Variants in TAF1B observed in about 807,000 individuals in gnomAD.
TAF1B encodes TATA box-binding protein-associated factor RNA polymerase I subunit B.
Under a neutral mutation model 83.9 loss-of-function variants are expected in TAF1B, and 61 were observed. The ratio of observed to expected loss-of-function variants is 0.73; its 90% confidence interval spans 0.59 to 0.90. The LOEUF (loss-of-function observed/expected upper bound fraction) is 0.90. Among genes scored for constraint, TAF1B ranks in the 40% least tolerant of loss-of-function variants. The pLI is 0.00. For missense variants in TAF1B, 625 were observed against 677.0 expected (o/e 0.92, Z 0.85); for synonymous variants, 221 against 224.6 (o/e 0.98, Z 0.14).
At chr2:9,925,613 G>A (rs1319458807) in intron 14 of TAF1B, among the ~76,000 whole-genome samples, 2 of 149,436 alleles carry the variant, frequency 1.3e-5, no homozygotes, top group South Asian at 2.1e-4. Context: ...ACAGAAGCTC[G>A]TTCTGTCACC....
chr2:9,865,390 G>A (rs916949500), intron 5 of TAF1B, among the ~76,000 whole-genome samples: 1 of 152,148 alleles, frequency 6.6e-6, no homozygotes, highest in African/African-American at 2.4e-5. Flanking sequence ...CAAGGCATGC[G>A]AAGGACCTCT....
intron 12 of TAF1B, among the ~76,000 whole-genome samples, chr2:9,915,668 AT>A (rs1218450877): frequency 1.3e-5 from 2 of 152,228 alleles, no homozygotes; most frequent in Non-Finnish European, 2.9e-5. Flanking sequence ...TGGTACCGCT[AT>A]TTTGAAAAGT....
At chr2:9,918,460 G>C (rs1023388538) in intron 12 of TAF1B, among the ~76,000 whole-genome samples, 3 of 152,182 alleles carry the variant, frequency 2.0e-5, no homozygotes, top group African/African-American at 7.2e-5. Flanking sequence ...CCATTTTACA[G>C]TGGAAACTCC....
rs200591792 is a variant in TAF1B at position 9,924,211 on chromosome 2, A to G, written c.1565+4391A>G. ...CCTAGAACTGCAGAGGAAGCAAAAA[A>G]GGCTTCAGCTGGGCAGTAAAAATGC... On this transcript the variant is annotated intron_variant, in intron 14 of 14. Transcript: ENST00000263663. Among the ~76,000 whole-genome samples, 489 of 152,282 alleles carry G rather than the reference A, an allele frequency of 3.2e-3. 3 individuals carry two copies. The highest frequency in any genetic ancestry group is 0.011 in the African/African-American group (472 of 41,546).
In TAF1B at chr2:9,849,402, T is replaced by G. The variant is rs1409472197; in HGVS notation, c.147T>G (p.Leu49=). The G allele has an allele frequency of 1.3e-6, 2 of 1,599,854 alleles. No individual in the cohort carries two copies. The highest frequency in any genetic ancestry group is 4.5e-5 in the East Asian group (2 of 44,676). Residue 49 remains leucine (L), a synonymous_variant, in exon 3 of 15, where the codon CTT becomes CTG. Transcript: ENST00000263663. ...ERYQEVTNTD[L]IPNTQIKALN... ...ATCAGGAAGTTACAAACACTGATCT[T>G]ATTCCTAATACCCAAATAAAAGCCC...
chr2:9,911,733 G>A (rs564693261), intron 11 of TAF1B, among the ~76,000 whole-genome samples, 176 bp downstream of exon 11: 32 of 152,014 alleles, frequency 2.1e-4, no homozygotes, highest in African/African-American at 2.9e-4. Context: ...GTATCTCTAG[G>A]GTACTAAAAA....
chr2:9,928,577 C>T (rs1666116564), intron 14 of TAF1B, among the ~76,000 whole-genome samples: 2 of 152,116 alleles, frequency 1.3e-5, no homozygotes, highest in Non-Finnish European at 2.9e-5. Flanking sequence ...TCCTTCACAT[C>T]CCTTGTAAGT....
intron 8 of TAF1B, among the ~76,000 whole-genome samples, chr2:9,890,562 C>A (rs1431514588): frequency 6.6e-6 from 1 of 151,984 alleles, no homozygotes; most frequent in African/African-American, 2.4e-5. Context: ...CCCTAAATAC[C>A]TGCCCTAGTA....
At chr2:9,899,973 C>G (rs955964098) in intron 8 of TAF1B, among the ~76,000 whole-genome samples, 1 of 152,114 alleles carries the variant, frequency 6.6e-6, no homozygotes, top group African/African-American at 2.4e-5. Context: ...ATATGTGTAT[C>G]TAACATAAAT....
intron 14 of TAF1B, among the ~76,000 whole-genome samples, chr2:9,926,155 T>C (rs1388372272): frequency 4.6e-5 from 7 of 152,076 alleles, no homozygotes; most frequent in Non-Finnish European, 1.0e-4. Flanking sequence ...TGGAAACAGA[T>C]CTCAAACATC....
At chr2:9,875,120 C>T (rs1358077044) in intron 6 of TAF1B, among the ~76,000 whole-genome samples, 1 of 152,040 alleles carries the variant, frequency 6.6e-6, no homozygotes, top group Non-Finnish European at 1.5e-5. Flanking sequence ...CACCACTACA[C>T]CCGGCTAATT....
At chr2:9,893,926 C>G (rs1427034317) in intron 8 of TAF1B, among the ~76,000 whole-genome samples, 2 of 152,084 alleles carry the variant, frequency 1.3e-5, no homozygotes, top group Non-Finnish European at 2.9e-5. Flanking sequence ...TATTACCAGG[C>G]TTCATAGCTT....
At chr2:9,856,662 T>C (rs1397522512) in intron 5 of TAF1B, among the ~76,000 whole-genome samples, 7 of 152,228 alleles carry the variant, frequency 4.6e-5, no homozygotes, top group Non-Finnish European at 7.3e-5. Flanking sequence ...GAACCTGGGA[T>C]TCTCTGACAT....
intron 8 of TAF1B, among the ~76,000 whole-genome samples, chr2:9,891,697 C>G (rs1431672066): frequency 1.3e-5 from 2 of 151,690 alleles, no homozygotes; most frequent in African/African-American, 4.9e-5. Flanking sequence ...CCATATAGGC[C>G]TGGGCTAAAT....
intron 12 of TAF1B, among the ~76,000 whole-genome samples, chr2:9,916,246 GCAGA>G (rs1235122726): frequency 2.6e-5 from 4 of 152,204 alleles, no homozygotes; most frequent in African/African-American, 9.6e-5. Flanking sequence ...GGAAACATAT[GCAGA>G]CAGACAAGAG....
intron 6 of TAF1B, among the ~76,000 whole-genome samples, chr2:9,869,953 G>A (rs753923741): frequency 6.6e-6 from 1 of 152,002 alleles, no homozygotes; most frequent in Non-Finnish European, 1.5e-5. Context: ...AAAATCACCA[G>A]TTACTGTACC....
chr2:9,843,729 G>A, intron 1 of TAF1B, 170 bp downstream of exon 1: 1 of 653,808 alleles, frequency 1.5e-6, no homozygotes, highest in South Asian at 2.3e-5. Context: ...CCGGCCGCAT[G>A]CGCGCGCGGC....
chr2:9,864,789 A>T (rs288000), intron 5 of TAF1B, among the ~76,000 whole-genome samples: 1 of 151,252 alleles, frequency 6.6e-6, no homozygotes, highest in Non-Finnish European at 1.5e-5. Context: ...TTCAACATAC[A>T]AAAATCAATA....
At chr2:9,855,711 C>T (rs1291773584) in intron 5 of TAF1B, among the ~76,000 whole-genome samples, 5 of 151,980 alleles carry the variant, frequency 3.3e-5, no homozygotes, top group Non-Finnish European at 7.4e-5. Context: ...TTTAATATAC[C>T]CAACCTACCG....
Sources: gnomAD v4.1 joint callset for allele counts (sites outside exome capture counted in the v4.1 genomes callset) on GRCh38, gnomAD v4.1.1 for gene constraint, MANE v1.5 for transcripts, NCBI Gene and HGNC (gene_info 2026-07-23, HGNC 2026-07-21) for gene names.